Variants in GSK3B observed in about 807,000 individuals in gnomAD.
GSK3B encodes the protein glycogen synthase kinase 3 beta.
A neutral mutation model predicts 56.4 loss-of-function variants in GSK3B; 15 were observed. That is an observed-to-expected ratio of 0.27 (90% CI 0.18 to 0.41). The LOEUF is 0.41. GSK3B is among the 10% of genes least tolerant of loss of function. The probability of loss-of-function intolerance (pLI) is 1.00; values close to 1 mark genes in which losing one functional copy is unlikely to be tolerated. For missense variants in GSK3B, 300 were observed against 513.4 expected (o/e 0.58, Z 4.02); for synonymous variants, 181 against 188.9 (o/e 0.96, Z 0.34).
intron 3 of GSK3B, among the ~76,000 whole-genome samples, chr3:119,941,969 G>C (rs2057053817): frequency 1.3e-5 from 2 of 152,202 alleles, no homozygotes; most frequent in East Asian, 1.9e-4. Context: ...TCCAGAGCTA[G>C]TGGTAGACCA....
chr3:119,832,652 C>G (rs191347816), intron 10 of GSK3B, among the ~76,000 whole-genome samples: 7 of 152,278 alleles, frequency 4.6e-5, no homozygotes, highest in Non-Finnish European at 7.4e-5. Flanking sequence ...TTCTTTTTTC[C>G]AGAATTGTTT....
chr3:119,876,798 T>G (rs114350286), intron 7 of GSK3B, among the ~76,000 whole-genome samples: 2,908 of 152,226 alleles, frequency 0.019, 45 homozygotes, highest in Non-Finnish European at 0.03. Context: ...GGATTGTTAT[T>G]TCAAGAGCAG....
At chr3:119,917,530 T>C (rs563570785) in intron 4 of GSK3B, among the ~76,000 whole-genome samples, 10 of 152,216 alleles carry the variant, frequency 6.6e-5, no homozygotes, top group African/African-American at 1.7e-4. Context: ...GGAGTTTAAT[T>C]CATTACCACT....
chr3:119,920,845 T>C (rs1226967431), intron 4 of GSK3B, among the ~76,000 whole-genome samples: 1 of 152,156 alleles, frequency 6.6e-6, no homozygotes, highest in Non-Finnish European at 1.5e-5. Flanking sequence ...TATTTATTTT[T>C]GGAAAAAAAG....
At chr3:119,964,953 G>C (rs1005641893) in intron 2 of GSK3B, among the ~76,000 whole-genome samples, 4 of 151,354 alleles carry the variant, frequency 2.6e-5, no homozygotes, top group Non-Finnish European at 5.9e-5. Flanking sequence ...AGCTAGGGAA[G>C]GCCGATCTAA....
chr3:119,892,147 T>C (rs894811946), intron 7 of GSK3B, among the ~76,000 whole-genome samples: 1 of 152,152 alleles, frequency 6.6e-6, no homozygotes, highest in African/African-American at 2.4e-5. Flanking sequence ...ACTTCAGCAA[T>C]AGAGGTGCAT....
Position 119,825,804 on chromosome 3 carries a change from C to A in GSK3B, c.*984G>T, listed in dbSNP as rs977613655. The A allele has an allele frequency of 2.3e-5, 5 of 220,210 alleles. No homozygotes were observed. The highest frequency in any genetic ancestry group is 4.5e-5 in the African/African-American group (2 of 44,604). 13.6% of individuals were successfully genotyped at this position (220,210 alleles called of 1,614,324 possible). On this transcript the variant is annotated 3_prime_UTR_variant, in exon 11 of 11. Coordinates refer to ENST00000264235, the MANE Select transcript of GSK3B (RefSeq NM_001146156.2). Reference sequence around the variant, plus strand: ...GTTCACATTATTTAACTACAATGTCCTCTCAAGTGTATCTTTCCAAGGGAA... The same window carrying A: ...GTTCACATTATTTAACTACAATGTCATCTCAAGTGTATCTTTCCAAGGGAA...
intron 3 of GSK3B, among the ~76,000 whole-genome samples, chr3:119,929,969 G>A (rs1309513836): frequency 4.0e-5 from 6 of 150,690 alleles, no homozygotes; most frequent in African/African-American, 9.7e-5. Context: ...TGGTCACAGC[G>A]ACTCGGGAGG....
chr3:119,853,265 C>G (rs1024170403), intron 9 of GSK3B, among the ~76,000 whole-genome samples: 43 of 152,158 alleles, frequency 2.8e-4, no homozygotes, highest in African/African-American at 1.0e-3. Context: ...GGGCTCTGTT[C>G]TGTTCCATTG....
chr3:120,063,501 C>T (rs9866536), intron 1 of GSK3B, among the ~76,000 whole-genome samples: 5,206 of 152,014 alleles, frequency 0.034, 324 homozygotes, highest in African/African-American at 0.12. Context: ...CCAAGGTGGG[C>T]GGATCACCTG....
At chr3:119,984,031 T>C (rs1397776347) in intron 2 of GSK3B, among the ~76,000 whole-genome samples, 1 of 152,140 alleles carries the variant, frequency 6.6e-6, no homozygotes, top group Non-Finnish European at 1.5e-5. Flanking sequence ...GCAATAAAAT[T>C]AGAACTCAGG....
At chr3:119,999,661 A>G (rs550395425) in intron 2 of GSK3B, among the ~76,000 whole-genome samples, 2 of 152,362 alleles carry the variant, frequency 1.3e-5, no homozygotes, top group South Asian at 4.1e-4. Flanking sequence ...CGAGGAATTT[A>G]GAATAGCAAG....
At chr3:120,041,598 C>T (rs2058065356) in intron 1 of GSK3B, 1 of 154,500 alleles carries the variant, frequency 6.5e-6, no homozygotes, top group African/African-American at 2.4e-5. Flanking sequence ...TCTGTTAAAA[C>T]AAGAGGATGA....
chr3:119,972,354 T>C (rs1158162360), intron 2 of GSK3B, among the ~76,000 whole-genome samples: 2 of 152,148 alleles, frequency 1.3e-5, no homozygotes, highest in Non-Finnish European at 2.9e-5. Context: ...CAGAAAAAGA[T>C]TTAGAAGGAC....
intron 9 of GSK3B, among the ~76,000 whole-genome samples, chr3:119,845,529 GA>G (rs1357258199): frequency 6.6e-6 from 1 of 151,540 alleles, no homozygotes; most frequent in East Asian, 1.9e-4. Flanking sequence ...AACAGACAGA[GA>G]GCCAAATCAT....
intron 7 of GSK3B, among the ~76,000 whole-genome samples, chr3:119,887,767 C>T (rs2056455310): frequency 6.6e-6 from 1 of 151,902 alleles, no homozygotes; most frequent in Non-Finnish European, 1.5e-5. Flanking sequence ...TTCAATGAAC[C>T]TTAATGAGGA....
At chr3:119,918,268 C>G (rs980937516) in intron 4 of GSK3B, among the ~76,000 whole-genome samples, 3 of 151,678 alleles carry the variant, frequency 2.0e-5, no homozygotes, top group Admixed American at 6.6e-5. Flanking sequence ...CTCAGGAGTT[C>G]GAGACCACCC....
chr3:119,882,692 A>T (rs905662835), intron 7 of GSK3B, among the ~76,000 whole-genome samples: 3 of 152,146 alleles, frequency 2.0e-5, no homozygotes, highest in Non-Finnish European at 4.4e-5. Context: ...CTTTACCACA[A>T]TGGGAAATAA....
chr3:119,889,221 T>C (rs1198059432), intron 7 of GSK3B, among the ~76,000 whole-genome samples: 1 of 152,110 alleles, frequency 6.6e-6, no homozygotes, highest in Non-Finnish European at 1.5e-5. Context: ...TCTACTGATA[T>C]GTGATGTCAC....
Sources: gnomAD v4.1 joint callset for allele counts (sites outside exome capture counted in the v4.1 genomes callset) on GRCh38, gnomAD v4.1.1 for gene constraint, MANE v1.5 for transcripts, NCBI Gene and HGNC (gene_info 2026-07-23, HGNC 2026-07-21) for gene names.